The following KIAA1191 variants were observed in gnomAD, a reference collection of about 807,000 sequenced individuals.
The protein encoded by KIAA1191 is KIAA1191, also known as putative monooxygenase p33MONOX.
Under a neutral mutation model 31.1 loss-of-function variants are expected in KIAA1191, and 22 were observed. The ratio of observed to expected loss-of-function variants is 0.71; its 90% CI spans 0.51 to 1.01. The LOEUF is 1.01. Ranked by LOEUF, KIAA1191 falls within the 50% of genes least tolerant of loss-of-function variation. The pLI is 0.00. For missense variants in KIAA1191, 319 were observed against 388.0 expected, an observed-to-expected ratio of 0.82 and a Z score of 1.49; for synonymous variants, 130 against 143.9, an observed-to-expected ratio of 0.90 and a Z score of 0.69.
rs754227414 is a variant in KIAA1191, at chr5:176,347,786, G to A, written c.732C>T (p.Tyr244=). The change falls in exon 9 of 9, where the codon TAC becomes TAT. Residue 244 remains tyrosine, a synonymous_variant. Transcript: ENST00000298569. ...ATGGAGAGGGCTTCTGGGCTCCTCG[G>A]TAGGCCTGGGTGGCAAAACTTCCTA... ...YDSGSFATQA[Y]RGAQKPSPLE... 1 of 1,601,302 alleles carries A rather than the reference G, an allele frequency of 6.2e-7. No individual in the cohort carries two copies. Among genetic ancestry groups the A allele is most frequent in the East Asian group, 2.2e-5 (1 of 44,742 alleles).
In KIAA1191 at chr5:176,350,638, T is replaced by C. The variant is rs775865986; in HGVS notation, c.434A>G (p.Tyr145Cys). 6.2e-7 allele frequency: 1 copy of C among 1,614,064 alleles called. No homozygotes were observed. Among genetic ancestry groups the C allele is most frequent in the Admixed American group, 1.7e-5 (1 of 60,026 alleles). The change falls in exon 6 of 9, where the codon TAC becomes TGC. Residue 145 changes from tyrosine (Y) to cysteine (C), a missense_variant. Tyr to Cys is a radical substitution (Grantham distance 194). Coordinates refer to ENST00000298569, the MANE Select transcript of KIAA1191 (RefSeq NM_020444.5). ...GTGGAGTGCTTCGGCCACTCGAAGG[T>C]ACTTGGTCTCCTCGGTGGTGAGGCC... The part of the protein sequence containing the change: ...HKGLTTEETK[Y>C]LRVAEALHKL...
chr5:176,360,195 C>T (rs1019880145), intron 1 of KIAA1191, among the ~76,000 whole-genome samples: 2 of 135,268 alleles, frequency 1.5e-5, no homozygotes, highest in South Asian at 2.3e-4. Flanking sequence ...CTCACTCTGT[C>T]GCCCAGGCTG....
chr5:176,357,751 C>A lies in KIAA1191; in HGVS notation c.28+1730G>T, dbSNP rs116122174. Among the ~76,000 whole-genome samples the A allele has an allele frequency of 3.7e-3, 556 of 152,250 alleles. 3 individuals are homozygous for A. The highest frequency in any genetic ancestry group is 0.013 in the African/African-American group (528 of 41,540). ...CAATGAAAGACAAACTAAAACGGAG[C>A]TGATGATGTTAAGACTAGAGATGGA... On this transcript the variant is annotated intron_variant, in intron 3 of 8. Coordinates refer to ENST00000298569, the MANE Select transcript of KIAA1191 (RefSeq NM_020444.5).
In KIAA1191 at chr5:176,359,861, A is replaced by C. The variant is rs1353375331; in HGVS notation, c.-110T>G. On this transcript the variant is annotated 5_prime_UTR_variant, in exon 2 of 9. Coordinates refer to ENST00000298569, the MANE Select transcript of KIAA1191 (RefSeq NM_020444.5). ...GCGGACAGACAGATGTTAATGAGGAACATGGTCCAGCTGCTGCAAAGTAGC... is the reference window on the plus strand; with the variant it reads ...GCGGACAGACAGATGTTAATGAGGACCATGGTCCAGCTGCTGCAAAGTAGC... 2 of 209,262 alleles carry C rather than the reference A, an allele frequency of 9.6e-6. No individual in the cohort carries two copies. Among genetic ancestry groups the C allele is most frequent in the African/African-American group, 4.5e-5 (2 of 44,562 alleles). The allele number at this position is 209,262 out of a possible 1,614,324, so 13.0% of individuals were successfully genotyped here.
rs181951715 is a variant in KIAA1191 at position 176,359,251 on chromosome 5, G to A, written c.28+230C>T. 6.3e-3 allele frequency among the ~76,000 whole-genome samples: 954 copies of A among 152,142 alleles called. 6 individuals are homozygous for A. The highest frequency in any genetic ancestry group is 0.047 in the East Asian group (243 of 5,174). ...GGAGAATGGCTTGAACCCAGGAAGC[G>A]GAGGTAGCAGTGAGCCGAGATTGTG... On this transcript the variant is annotated intron_variant, in intron 3 of 8. Transcript: ENST00000298569.
Position 176,347,984 on chromosome 5 carries a change from C to G in KIAA1191, c.646G>C (p.Asp216His). The G allele has an allele frequency of 6.2e-7, 1 of 1,614,138 alleles. No individual in the cohort carries two copies. The highest frequency in any genetic ancestry group is 1.6e-4 in the Middle Eastern group (1 of 6,062). ...STMDSGSGDK[D>H]RNLSDKWSLF... ...CTCCACTTATCTGACAAGTTTCTGT[C>G]CTTATCCCCACTTCCAGAGTCCATG... is the stretch of plus-strand genomic sequence containing the variant. The change falls in exon 8 of 9, where the codon GAC becomes CAC. Residue 216 changes from aspartate to histidine, a missense_variant. By Grantham distance (81) the Asp-to-His change is moderately conservative. Coordinates refer to ENST00000298569, the MANE Select transcript of KIAA1191 (RefSeq NM_020444.5).
At chr5:176,352,812 T>G (rs1033511745) in intron 4 of KIAA1191, 64 bp from the exon 5 acceptor site, 1 of 1,513,104 alleles carries the variant, frequency 6.6e-7, no homozygotes, top group African/African-American at 1.4e-5. Context: ...CACCTAAACT[T>G]ACTCCTTTGG....
chr5:176,350,765 C>T (rs1185343230), intron 5 of KIAA1191, 28 bp from the exon 6 acceptor site: 3 of 1,611,416 alleles, frequency 1.9e-6, no homozygotes, highest in African/African-American at 1.3e-5. Flanking sequence ...GACAGTCATG[C>T]CCATTCCCCT....
chr5:176,352,168 CAAAAAAAAAA>C (rs950163386), intron 5 of KIAA1191, among the ~76,000 whole-genome samples: 1 of 138,688 alleles, frequency 7.2e-6, no homozygotes, highest in African/African-American at 2.7e-5. Context: ...AAAAAAAAAA[CAAAAAAAAAA>C]ACAAAAACTG....
Position 176,355,502 on chromosome 5 carries a change from G to C in KIAA1191, c.207+69C>G, listed in dbSNP as rs906774011. ...AGTCCCATGGGCACAGGGAGCCACT[G>C]AAGGCTTCTGGAGCAGAGGAAGGAC... is the stretch of plus-strand genomic sequence containing the variant. On this transcript the variant is annotated intron_variant, in intron 4 of 8. Coordinates refer to ENST00000298569, the MANE Select transcript of KIAA1191 (RefSeq NM_020444.5). This position sits in a 1 kb window ranked among gnomAD's most constrained non-coding sequence, Gnocchi z 4.2. 1.3e-6 allele frequency: 2 copies of C among 1,495,616 alleles called. No homozygotes were observed. The highest frequency in any genetic ancestry group is 1.8e-6 in the Non-Finnish European group (2 of 1,094,372). The allele number at this position is 1,495,616 out of a possible 1,614,324, so 92.6% of individuals were successfully genotyped here.
At chr5:176,359,443 G>A (rs1177923097) in intron 3 of KIAA1191, 38 bp downstream of exon 3, 3 of 1,602,188 alleles carry the variant, frequency 1.9e-6, no homozygotes, top group Admixed American at 3.3e-5. Context: ...ACATTAATAA[G>A]GGCAAAACAT....
At position 176,356,392 on chromosome 5, in the gene KIAA1191, G is replaced by A. The variant is rs533958352; in HGVS notation, c.29-643C>T. Among the ~76,000 whole-genome samples the A allele has an allele frequency of 3.7e-3, 557 of 152,290 alleles. 3 individuals carry two copies. Among genetic ancestry groups the A allele is most frequent in the African/African-American group, 0.013 (529 of 41,556 alleles). On this transcript the variant is annotated intron_variant, in intron 3 of 8. Transcript: ENST00000298569. The stretch of plus-strand genomic sequence containing the variant: ...CCTAGGGGTAAAGTGACCTTCCCAA[G>A]TTCATTCAGAAAATGGCTACCTGGG...
At chr5:176,352,300 C>G (rs1441215616) in intron 5 of KIAA1191, among the ~76,000 whole-genome samples, 4 of 152,186 alleles carry the variant, frequency 2.6e-5, no homozygotes, top group Non-Finnish European at 5.9e-5. Flanking sequence ...CCTCAACCTG[C>G]CAGTGAAATT....
In KIAA1191 at chr5:176,347,658, G is replaced by A. The variant is rs767997983; in HGVS notation, c.860C>T (p.Pro287Leu). 1.9e-6 allele frequency: 3 copies of A among 1,570,132 alleles called. No individual in the cohort carries two copies. The highest frequency in any genetic ancestry group is 1.4e-5 in the African/African-American group (1 of 73,186). Residue 287 changes from proline (P) to leucine (L), a missense_variant, in exon 9 of 9, where the codon CCA (proline) becomes CTA (leucine). Pro to Leu is a moderately conservative substitution (Grantham distance 98, BLOSUM62 -3). Transcript: ENST00000298569. ...IPVMEGKKQPPRAHNLKPRDL... is the reference protein window; with the variant it reads ...IPVMEGKKQPLRAHNLKPRDL... The stretch of plus-strand genomic sequence containing the variant: ...ACGGGGTTTGAGGTTATGGGCCCGT[G>A]GTGGCTGTTTCTTTCCTTCCATCAC...
chr5:176,359,353 G>T, intron 3 of KIAA1191, 128 bp downstream of exon 3: 1 of 840,342 alleles, frequency 1.2e-6, no homozygotes, highest in Non-Finnish European at 1.9e-6. Context: ...AGCCAATCTA[G>T]TAAATCTAAA....
At chr5:176,359,601 G>GCTGCTCACCATAAGAAA in intron 2 of KIAA1191, 34 bp from the exon 3 acceptor site, 1 of 995,262 alleles carries the variant, frequency 1.0e-6, no homozygotes, top group Non-Finnish European at 1.6e-6. Context: ...TTCTTATGGT[G>GCTGCTCACCATAAGAAA]AGCAGCACCA....
intron 5 of KIAA1191, among the ~76,000 whole-genome samples, chr5:176,351,340 C>CAA (rs955175769): frequency 6.5e-5 from 7 of 107,334 alleles, no homozygotes; most frequent in East Asian, 2.6e-4. Flanking sequence ...GACTCCATCT[C>CAA]AAAAAAAAAA....
intron 3 of KIAA1191, among the ~76,000 whole-genome samples, chr5:176,356,327 C>T (rs1456029297): frequency 2.0e-5 from 3 of 152,270 alleles, no homozygotes; most frequent in East Asian, 3.9e-4. Flanking sequence ...ACCGAGGATA[C>T]GAAGTTCTCA....
rs980813172 is a variant in KIAA1191, at chr5:176,355,559, A to G, written c.207+12T>C. 6.2e-7 allele frequency: 1 copy of G among 1,600,770 alleles called. No homozygotes were observed. Among genetic ancestry groups the G allele is most frequent in the Non-Finnish European group, 8.5e-7 (1 of 1,171,028 alleles). ...GTTGCGTATGCCAGAAATGGCCAGCAGGGTCAGATACCTTGGCGAGGTGCT... is the reference window on the plus strand; with the variant it reads ...GTTGCGTATGCCAGAAATGGCCAGCGGGGTCAGATACCTTGGCGAGGTGCT... On this transcript the variant is annotated intron_variant, in intron 4 of 8. Transcript: ENST00000298569. The surrounding 1 kb of genome is among the most constrained non-coding windows in gnomAD (Gnocchi z 4.2).
Sources: allele counts gnomAD v4.1 joint callset (sites outside exome capture counted in the v4.1 genomes callset), GRCh38; gene constraint gnomAD v4.1.1; non-coding constraint Gnocchi (gnomAD v3.1); transcripts MANE v1.5; gene names NCBI Gene and HGNC (gene_info 2026-07-23, HGNC 2026-07-21).